Variants in SHISA6 observed in about 807,000 individuals in gnomAD.
SHISA6 encodes the protein shisa family member 6.
A neutral mutation model predicts 47.9 loss-of-function variants in SHISA6; 22 were observed. That is an observed-to-expected ratio of 0.46 (90% CI 0.33 to 0.66). The LOEUF is 0.66. Ranked by LOEUF, SHISA6 falls within the 30% of genes least tolerant of loss-of-function variation. The pLI, the probability that SHISA6 is intolerant of heterozygous loss-of-function variation, is 0.02. For missense variants in SHISA6, 680 were observed against 764.6 expected (o/e 0.89, Z 1.30); for synonymous variants, 388 against 337.8 (o/e 1.15, Z -1.63).
At chr17:11,279,085 T>C (rs1266298107) in intron 2 of SHISA6, among the ~76,000 whole-genome samples, 1 of 152,150 alleles carries the variant, frequency 6.6e-6, no homozygotes, top group Non-Finnish European at 1.5e-5. Flanking sequence ...AGTTTGGGGT[T>C]GCTGGCTTCA....
intron 2 of SHISA6, among the ~76,000 whole-genome samples, chr17:11,346,008 C>A (rs556769132): frequency 1.3e-5 from 2 of 152,058 alleles, no homozygotes; most frequent in East Asian, 1.9e-4. Context: ...AAGTTGTGAG[C>A]GAACATAGTT....
chr17:11,334,475 G>A (rs1911247894), intron 2 of SHISA6, among the ~76,000 whole-genome samples: 1 of 152,190 alleles, frequency 6.6e-6, no homozygotes, highest in African/African-American at 2.4e-5. Flanking sequence ...GGCATGCAGG[G>A]AGCAGGGCCC....
intron 3 of SHISA6, among the ~76,000 whole-genome samples, chr17:11,526,335 T>A (rs1411470737): frequency 2.0e-5 from 3 of 152,184 alleles, no homozygotes; most frequent in Admixed American, 6.5e-5. Flanking sequence ...TCTCATCTGC[T>A]TATGAAAACT....
At chr17:11,401,637 A>G (rs1045083817) in intron 3 of SHISA6, among the ~76,000 whole-genome samples, 1 of 152,216 alleles carries the variant, frequency 6.6e-6, no homozygotes, top group African/African-American at 2.4e-5. Flanking sequence ...GAATGAGAGC[A>G]ATTTAAAAAT....
intron 3 of SHISA6, among the ~76,000 whole-genome samples, chr17:11,496,891 C>A (rs1032837939): frequency 3.3e-5 from 5 of 152,304 alleles, no homozygotes; most frequent in African/African-American, 7.2e-5. Context: ...TGTGGGAATG[C>A]AGATCCTATG....
intron 3 of SHISA6, among the ~76,000 whole-genome samples, chr17:11,513,739 C>T (rs775141564): frequency 6.6e-6 from 1 of 152,202 alleles, no homozygotes; most frequent in Non-Finnish European, 1.5e-5. Context: ...ACAAGTCGAG[C>T]ATTGGTCTTC....
At chr17:11,449,885 C>G (rs1304948744) in intron 3 of SHISA6, among the ~76,000 whole-genome samples, 4 of 152,124 alleles carry the variant, frequency 2.6e-5, no homozygotes, top group African/African-American at 9.7e-5. Flanking sequence ...CTATGAATCT[C>G]TTCTTTTTCT....
At chr17:11,368,451 T>C (rs1912525608) in intron 2 of SHISA6, among the ~76,000 whole-genome samples, 1 of 152,192 alleles carries the variant, frequency 6.6e-6, no homozygotes, top group African/African-American at 2.4e-5. Context: ...GAGTCCTTCC[T>C]GGAGCTTTGA....
intron 2 of SHISA6, among the ~76,000 whole-genome samples, chr17:11,294,119 C>T (rs544059045): frequency 2.0e-5 from 3 of 152,016 alleles, no homozygotes; most frequent in East Asian, 1.9e-4. Context: ...CTCTTGACCT[C>T]GTGATCCACT....
intron 2 of SHISA6, among the ~76,000 whole-genome samples, chr17:11,295,772 G>T (rs1165212753): frequency 2.0e-5 from 3 of 151,972 alleles, no homozygotes; most frequent in Non-Finnish European, 4.4e-5. Context: ...GACCATCCTG[G>T]CTAACACAGT....
rs575323146 is a variant in SHISA6 at position 11,331,565 on chromosome 17, A to G, written c.800-47849A>G. On this transcript the variant is annotated intron_variant, in intron 2 of 5. Coordinates refer to ENST00000441885, the MANE Select transcript of SHISA6 (RefSeq NM_207386.4). ...AAAAATAAAAACAATGCACAGCTAA[A>G]ATAGACGAGATGGCATGCATTAAAC... Among the ~76,000 whole-genome samples, 10 of 152,282 alleles carry G rather than the reference A, an allele frequency of 6.6e-5. No homozygotes were observed. In the East Asian group the frequency reaches 1.9e-3, roughly 29 times the overall value.
chr17:11,253,975 G>T (rs1158465439), intron 1 of SHISA6, among the ~76,000 whole-genome samples: 2 of 152,118 alleles, frequency 1.3e-5, no homozygotes, highest in African/African-American at 4.8e-5. Context: ...TCTTGCTTGT[G>T]AATCACCATT....
chr17:11,483,562 T>C (rs1250570967), intron 3 of SHISA6, among the ~76,000 whole-genome samples: 2 of 152,174 alleles, frequency 1.3e-5, no homozygotes, highest in African/African-American at 2.4e-5. Flanking sequence ...AAATATAATA[T>C]AAAGCAGTGT....
chr17:11,440,197 G>C (rs193063874), intron 3 of SHISA6, among the ~76,000 whole-genome samples: 168 of 152,316 alleles, frequency 1.1e-3, no homozygotes, highest in African/African-American at 3.8e-3. Flanking sequence ...TCTGTTAGAG[G>C]CTGTGGGAAA....
chr17:11,498,240 A>T (rs1266825105), intron 3 of SHISA6, among the ~76,000 whole-genome samples: 2 of 152,254 alleles, frequency 1.3e-5, no homozygotes, highest in African/African-American at 4.8e-5. Context: ...TTCACTCCTG[A>T]TGTATCTTGC....
intron 2 of SHISA6, among the ~76,000 whole-genome samples, chr17:11,301,462 T>C (rs181002608): frequency 3.0e-4 from 46 of 152,310 alleles, no homozygotes; most frequent in African/African-American, 1.1e-3. Context: ...TTGCAGCACT[T>C]TGGGTCAGTA....
intron 1 of SHISA6, among the ~76,000 whole-genome samples, chr17:11,248,446 GC>G: frequency 6.6e-6 from 1 of 152,230 alleles, no homozygotes; most frequent in African/African-American, 2.4e-5. Context: ...AAGCCAGGGC[GC>G]CTGTGTTCTA....
At chr17:11,550,245 TG>T (rs1362434018) in intron 3 of SHISA6, among the ~76,000 whole-genome samples, 5 of 152,078 alleles carry the variant, frequency 3.3e-5, no homozygotes, top group African/African-American at 9.7e-5. Context: ...TTGGTAGAGA[TG>T]GGGTTTCACC....
chr17:11,440,975 T>C (rs1332441801), intron 3 of SHISA6, among the ~76,000 whole-genome samples: 1 of 150,958 alleles, frequency 6.6e-6, no homozygotes, highest in African/African-American at 2.4e-5. Context: ...CTTGGTGAAG[T>C]AGAGAGGACA....
Sources: gnomAD v4.1 joint callset for allele counts (sites outside exome capture counted in the v4.1 genomes callset) on GRCh38, gnomAD v4.1.1 for gene constraint, MANE v1.5 for transcripts, NCBI Gene and HGNC (gene_info 2026-07-23, HGNC 2026-07-21) for gene names.